DISP1: variants seen among roughly 807,000 people sequenced by gnomAD.
The protein encoded by DISP1 is dispatched RND transporter family member 1, also known as protein dispatched homolog 1.
In DISP1, 30 loss-of-function variants were observed where a neutral mutation model predicts 37.3. That is an observed-to-expected ratio of 0.80 (90% CI 0.60 to 1.09). DISP1 has a LOEUF of 1.09. Ranked by LOEUF, DISP1 falls within the 50% of genes least tolerant of loss-of-function variation. The pLI is 0.00. For synonymous variants in DISP1, 634 were observed against 690.2 expected (o/e 0.92, Z 1.28); for missense variants, 1,598 against 1,879.5 (o/e 0.85, Z 2.77).
intron 3 of DISP1, among the ~76,000 whole-genome samples, chr1:222,962,658 T>C (rs1676154797): frequency 6.6e-6 from 1 of 152,094 alleles, no homozygotes; most frequent in East Asian, 1.9e-4. Flanking sequence ...TCAACTAATC[T>C]GACAAAAACA....
chr1:222,973,022 T>C (rs1677067000), intron 3 of DISP1, among the ~76,000 whole-genome samples: 1 of 152,216 alleles, frequency 6.6e-6, no homozygotes, highest in South Asian at 2.1e-4. Context: ...CAGAATTAAC[T>C]ATAGATTGTA....
At chr1:222,899,584 A>AT (rs1157621093) in intron 1 of DISP1, among the ~76,000 whole-genome samples, 1,733 of 150,254 alleles carry the variant, frequency 0.012, 25 homozygotes, top group African/African-American at 0.04. Context: ...GCAAGAGGAA[A>AT]TTTTTTTTTT....
chr1:222,925,751 A>G (rs1336525615), intron 1 of DISP1, among the ~76,000 whole-genome samples: 1 of 152,166 alleles, frequency 6.6e-6, no homozygotes, highest in Admixed American at 6.6e-5. Flanking sequence ...AGGACTTACT[A>G]GAAAAGCAAA....
chr1:222,966,273 T>C (rs572823992), intron 3 of DISP1, among the ~76,000 whole-genome samples: 1 of 152,150 alleles, frequency 6.6e-6, no homozygotes, highest in Non-Finnish European at 1.5e-5. Context: ...GTATGGATTT[T>C]AAAAATAATA....
At chr1:222,955,285 G>A (rs765974495) in intron 3 of DISP1, among the ~76,000 whole-genome samples, 2 of 151,876 alleles carry the variant, frequency 1.3e-5, no homozygotes, top group African/African-American at 4.8e-5. Context: ...GGATTTCACC[G>A]TGTTGGCCAG....
At chr1:222,992,187 T>C (rs1678751714) in intron 7 of DISP1, 77 bp downstream of exon 7, 1 of 1,151,968 alleles carries the variant, frequency 8.7e-7, no homozygotes, top group Non-Finnish European at 1.3e-6. Flanking sequence ...CAGTCTAGAC[T>C]GATAGCCGTG....
intron 2 of DISP1, among the ~76,000 whole-genome samples, chr1:222,928,908 ACTAT>A (rs1673231971): frequency 6.6e-6 from 1 of 152,192 alleles, no homozygotes; most frequent in African/African-American, 2.4e-5. Flanking sequence ...TTATTTAACT[ACTAT>A]CTAAAACAGA....
chr1:222,901,247 G>A (rs978961335), intron 1 of DISP1, among the ~76,000 whole-genome samples: 1 of 152,120 alleles, frequency 6.6e-6, no homozygotes, highest in Non-Finnish European at 1.5e-5. Context: ...CGAAGGATTT[G>A]TGAGAGATTT....
intron 1 of DISP1, among the ~76,000 whole-genome samples, chr1:222,901,384 G>A (rs928138955): frequency 6.6e-6 from 1 of 152,130 alleles, no homozygotes; most frequent in African/African-American, 2.4e-5. Context: ...ACTTCTAATA[G>A]ATGACAAAGG....
intron 2 of DISP1, among the ~76,000 whole-genome samples, chr1:222,932,476 T>C (rs1237621455): frequency 3.3e-5 from 5 of 151,986 alleles, no homozygotes; most frequent in Non-Finnish European, 7.4e-5. Flanking sequence ...TGGGGTTAGA[T>C]AACTACTTAT....
chr1:222,883,571 C>T (rs1206238184), intron 1 of DISP1, among the ~76,000 whole-genome samples: 1 of 152,204 alleles, frequency 6.6e-6, no homozygotes, highest in Non-Finnish European at 1.5e-5. Flanking sequence ...GAGCCAAGAT[C>T]GTGCCACTGC....
chr1:222,905,503 C>A (rs1038715740), intron 1 of DISP1, among the ~76,000 whole-genome samples: 1 of 152,096 alleles, frequency 6.6e-6, no homozygotes, highest in African/African-American at 2.4e-5. Context: ...CTTAACAGAA[C>A]GTATAAATTT....
Position 223,004,798 on chromosome 1 carries a change from T to G in DISP1, c.3401T>G (p.Leu1134Arg). ...TFFFQCMCRC[L>R]GPQGTCGQIP... The stretch of plus-strand genomic sequence containing the variant: ...TTTTTCCAGTGCATGTGCCGGTGCC[T>G]TGGACCACAGGGTACCTGTGGTCAG... Residue 1134 changes from leucine (L) to arginine (R), a missense_variant, in exon 9 of 9, where the codon CTT becomes CGT. By Grantham distance (102) the Leu-to-Arg change is moderately radical. Transcript: ENST00000675850. This position sits in a 1 kb window ranked among gnomAD's most constrained non-coding sequence, Gnocchi z 4.9. 1 of 1,612,516 alleles carries G rather than the reference T, an allele frequency of 6.2e-7. No individual in the cohort carries two copies. The highest frequency in any genetic ancestry group is 1.7e-5 in the Admixed American group (1 of 60,032).
At chr1:222,985,650 G>T (rs557099540) in intron 4 of DISP1, among the ~76,000 whole-genome samples, 1 of 152,214 alleles carries the variant, frequency 6.6e-6, no homozygotes, top group South Asian at 2.1e-4. Flanking sequence ...ACTCCGTCTC[G>T]GGGTGGGGGA....
At chr1:222,843,442 C>T (rs1286456081) in intron 1 of DISP1, among the ~76,000 whole-genome samples, 1 of 151,124 alleles carries the variant, frequency 6.6e-6, no homozygotes, top group Non-Finnish European at 1.5e-5. Flanking sequence ...ATAGAGTAGT[C>T]TGTTTCAAAT....
At chr1:222,853,516 A>G (rs1668385367) in intron 1 of DISP1, among the ~76,000 whole-genome samples, 1 of 145,444 alleles carries the variant, frequency 6.9e-6, no homozygotes, top group African/African-American at 2.4e-5. Context: ...AGCTGAATGG[A>G]TAAAGAAAAT....
chr1:222,931,100 T>C (rs936037267), intron 2 of DISP1, among the ~76,000 whole-genome samples: 2 of 152,142 alleles, frequency 1.3e-5, no homozygotes, highest in South Asian at 4.1e-4. Context: ...GGGAAAAGTT[T>C]AGATAATTCT....
chr1:222,985,755 G>T (rs1261460396), intron 4 of DISP1, among the ~76,000 whole-genome samples: 1 of 152,182 alleles, frequency 6.6e-6, no homozygotes, highest in Non-Finnish European at 1.5e-5. Context: ...AATTCCCTGA[G>T]GGCAAGATCC....
rs574759325 is a variant in DISP1, at chr1:222,900,831, G to A, written c.-158-27599G>A. On this transcript the variant is annotated intron_variant, in intron 1 of 8. Transcript: ENST00000675850. ...AACAGAGTGATGAGTGGGAGCTAAA[G>A]TTAGGTACTTTGTAGGGAAATCTAT... Among the ~76,000 whole-genome samples the A allele has an allele frequency of 3.3e-5, 5 of 152,304 alleles. No homozygotes were observed. The South Asian group carries it at 1.0e-3, about 32-fold the overall frequency.
Sources: gnomAD v4.1 joint callset for allele counts (sites outside exome capture counted in the v4.1 genomes callset) on GRCh38, gnomAD v4.1.1 for gene constraint, Gnocchi (gnomAD v3.1) non-coding constraint, MANE v1.5 for transcripts, NCBI Gene and HGNC (gene_info 2026-07-23, HGNC 2026-07-21) for gene names.